The following DIS3L2 variants were observed in gnomAD, a reference collection of about 807,000 sequenced individuals.
DIS3L2 encodes the protein DIS3-like exonuclease 2.
Under a neutral mutation model 97.5 loss-of-function variants are expected in DIS3L2, and 34 were observed. That is an observed-to-expected ratio of 0.35 (90% CI 0.27 to 0.46). The LOEUF is 0.46. Among genes scored for constraint, DIS3L2 ranks in the 20% least tolerant of loss-of-function variants. The probability of loss-of-function intolerance (pLI) is 1.00; values close to 1 mark genes in which losing one functional copy is unlikely to be tolerated. For missense variants in DIS3L2, 1,038 were observed against 1,146.0 expected, an observed-to-expected ratio of 0.91 and a Z score of 1.36; for synonymous variants, 435 against 445.2, an observed-to-expected ratio of 0.98 and a Z score of 0.29.
At chr2:231,971,205 G>C (rs1336812156) in intron 1 of DIS3L2, among the ~76,000 whole-genome samples, 1 of 151,362 alleles carries the variant, frequency 6.6e-6, no homozygotes, top group East Asian at 1.9e-4. Flanking sequence ...GTTTGGAGGT[G>C]CGTGTACAGG....
chr2:232,155,064 C>A (rs890017903), intron 8 of DIS3L2, among the ~76,000 whole-genome samples: 2 of 150,636 alleles, frequency 1.3e-5, no homozygotes, highest in African/African-American at 4.9e-5. Flanking sequence ...CTTCGGCTCG[C>A]GCACGGTGAG....
intron 1 of DIS3L2, among the ~76,000 whole-genome samples, chr2:232,002,720 C>T (rs1693943921): frequency 6.6e-6 from 1 of 152,008 alleles, no homozygotes; most frequent in Non-Finnish European, 1.5e-5. Flanking sequence ...AGTGTTATTC[C>T]ACATCCATTT....
chr2:231,967,823 A>G (rs1396176287), intron 1 of DIS3L2, among the ~76,000 whole-genome samples: 3 of 152,190 alleles, frequency 2.0e-5, no homozygotes. Context: ...ACAATTTTTA[A>G]TAAATGAATT....
chr2:232,100,815 G>GTGTGTC (rs1697179088), intron 6 of DIS3L2, among the ~76,000 whole-genome samples: 2 of 147,814 alleles, frequency 1.4e-5, no homozygotes, highest in Non-Finnish European at 2.9e-5. Context: ...GTGTGTGTGT[G>GTGTGTC]TGTGTGTGTG....
chr2:232,085,857 A>G (rs1006131901), intron 5 of DIS3L2, among the ~76,000 whole-genome samples: 1 of 151,908 alleles, frequency 6.6e-6, no homozygotes, highest in Admixed American at 6.6e-5. Flanking sequence ...CCCAGGCTGG[A>G]GTGCTGTGGC....
chr2:232,166,040 A>G (rs1485133889), intron 9 of DIS3L2, among the ~76,000 whole-genome samples: 1 of 151,450 alleles, frequency 6.6e-6, no homozygotes, highest in East Asian at 1.9e-4. Flanking sequence ...TAGACCATAG[A>G]ATAAGAGGTC....
At chr2:232,192,428 A>T (rs931493274) in intron 9 of DIS3L2, among the ~76,000 whole-genome samples, 45 of 151,924 alleles carry the variant, frequency 3.0e-4, no homozygotes, top group Admixed American at 5.3e-4. Context: ...CCTTAATTTT[A>T]AAAAAAAGTT....
intron 8 of DIS3L2, among the ~76,000 whole-genome samples, chr2:232,155,893 G>C (rs892055923): frequency 1.3e-5 from 2 of 152,020 alleles, no homozygotes; most frequent in Admixed American, 1.3e-4. Flanking sequence ...GGGAGGCCGA[G>C]GCAGGAGAAT....
At chr2:232,209,403 C>G (rs772797680) in intron 9 of DIS3L2, among the ~76,000 whole-genome samples, 5 of 152,090 alleles carry the variant, frequency 3.3e-5, no homozygotes, top group African/African-American at 4.8e-5. Flanking sequence ...GCCTGTCTTA[C>G]CATGGTTAGT....
At chr2:232,086,353 A>ATACGTG (rs1696597359) in intron 5 of DIS3L2, among the ~76,000 whole-genome samples, 2 of 103,154 alleles carry the variant, frequency 1.9e-5, no homozygotes, top group African/African-American at 8.4e-5. Context: ...ATATATGTAT[A>ATACGTG]TATATGTGTA....
Position 232,292,574 on chromosome 2 carries a change from G to A in DIS3L2, c.1660-7466G>A, listed in dbSNP as rs1453309528. 2.0e-5 allele frequency among the ~76,000 whole-genome samples: 3 copies of A among 152,188 alleles called. No homozygotes were observed. The highest frequency in any genetic ancestry group is 2.4e-5 in the African/African-American group (1 of 41,436). On this transcript the variant is annotated intron_variant, in intron 13 of 20. Transcript: ENST00000325385. This position sits in a 1 kb window ranked among gnomAD's most constrained non-coding sequence, Gnocchi z 4.4. ...CCAGGCTCCTAGAGCTCACCCACGCGATTCTCTTAAGGCCAGTTTCCTGGG... is the reference window on the plus strand; with the variant it reads ...CCAGGCTCCTAGAGCTCACCCACGCAATTCTCTTAAGGCCAGTTTCCTGGG...
chr2:231,987,886 C>G (rs1263741543), intron 1 of DIS3L2, among the ~76,000 whole-genome samples: 2 of 152,070 alleles, frequency 1.3e-5, no homozygotes, highest in African/African-American at 2.4e-5. Context: ...GTTGCCCAGG[C>G]TGGAGTGCAA....
At chr2:232,315,273 A>G (rs944019638) in intron 14 of DIS3L2, among the ~76,000 whole-genome samples, 2 of 152,234 alleles carry the variant, frequency 1.3e-5, no homozygotes, top group African/African-American at 4.8e-5. Flanking sequence ...TAAAGTAGCA[A>G]ATGTCTCTGC....
chr2:232,301,533 C>T (rs548759762), intron 14 of DIS3L2, among the ~76,000 whole-genome samples: 2 of 152,294 alleles, frequency 1.3e-5, no homozygotes, highest in African/African-American at 4.8e-5. Flanking sequence ...CTACCGGGTG[C>T]CCTCGTTACC....
chr2:232,276,298 G>A lies in DIS3L2; in HGVS notation c.1659+12858G>A, dbSNP rs551469511. 6.6e-6 allele frequency among the ~76,000 whole-genome samples: 1 copy of A among 152,250 alleles called. No individual in the cohort carries two copies. The highest frequency in any genetic ancestry group is 2.4e-5 in the African/African-American group (1 of 41,546). On this transcript the variant is annotated intron_variant, in intron 13 of 20. Coordinates refer to ENST00000325385, the MANE Select transcript of DIS3L2 (RefSeq NM_152383.5). The surrounding 1 kb of genome is among the most constrained non-coding windows in gnomAD (Gnocchi z 4.4). ...AAACTGATTTGCTACTGTCAGTTTC[G>A]ACCCGTAAATAACAGGGCGCTCTCC... is the stretch of plus-strand genomic sequence containing the variant.
At chr2:232,177,038 G>T (rs999041564) in intron 9 of DIS3L2, among the ~76,000 whole-genome samples, 2 of 143,932 alleles carry the variant, frequency 1.4e-5, no homozygotes, top group Non-Finnish European at 3.0e-5. Context: ...TCCCACCTAT[G>T]AGTGAGAATA....
At chr2:232,270,910 CTCTCTG>C (rs1559185340) in intron 13 of DIS3L2, among the ~76,000 whole-genome samples, 5 of 127,938 alleles carry the variant, frequency 3.9e-5, no homozygotes, top group Non-Finnish European at 7.0e-5. Flanking sequence ...CTCTCTCTCT[CTCTCTG>C]TCTCGTCTCT....
intron 5 of DIS3L2, among the ~76,000 whole-genome samples, chr2:232,086,923 G>A (rs1164396198): frequency 1.3e-5 from 2 of 151,284 alleles, no homozygotes; most frequent in African/African-American, 4.9e-5. Flanking sequence ...CTCATGATCC[G>A]CCCGCCTCAG....
intron 9 of DIS3L2, 51 bp from the exon 10 acceptor site, chr2:232,210,275 A>G (rs1407237309): frequency 1.4e-6 from 2 of 1,419,274 alleles, no homozygotes; most frequent in South Asian, 1.2e-5. Flanking sequence ...ATGGTGGGGT[A>G]AAGTTGCTAT....
Sources: gnomAD v4.1 joint callset for allele counts (sites outside exome capture counted in the v4.1 genomes callset) on GRCh38, gnomAD v4.1.1 for gene constraint, Gnocchi (gnomAD v3.1) non-coding constraint, MANE v1.5 for transcripts, NCBI Gene and HGNC (gene_info 2026-07-23, HGNC 2026-07-21) for gene names.